Variants in PIKFYVE observed in about 807,000 individuals in gnomAD.
PIKFYVE encodes the protein 1-phosphatidylinositol 3-phosphate 5-kinase.
Under a neutral mutation model 257.9 loss-of-function variants are expected in PIKFYVE, and 122 were observed. The ratio of observed to expected loss-of-function variants is 0.47; its 90% confidence interval spans 0.41 to 0.55. The LOEUF is 0.55. PIKFYVE is among the 20% of genes least tolerant of loss of function. The pLI, the probability that PIKFYVE is intolerant of heterozygous loss-of-function variation, is 0.00. For missense variants in PIKFYVE, 2,160 were observed against 2,536.6 expected, an observed-to-expected ratio of 0.85 and a Z score of 3.19; for synonymous variants, 892 against 868.9, an observed-to-expected ratio of 1.03 and a Z score of -0.47.
At chr2:208,330,260 C>G (rs1320116154) in intron 22 of PIKFYVE, among the ~76,000 whole-genome samples, 3 of 152,172 alleles carry the variant, frequency 2.0e-5, no homozygotes, top group African/African-American at 7.2e-5. Context: ...TGACAAAGCA[C>G]TTTACTAGTC....
intron 23 of PIKFYVE, among the ~76,000 whole-genome samples, chr2:208,331,444 C>G (rs1352449746): frequency 6.6e-6 from 1 of 152,148 alleles, no homozygotes; most frequent in Non-Finnish European, 1.5e-5. Context: ...GTCGTGTGAT[C>G]TCTGCTCACT....
intron 31 of PIKFYVE, among the ~76,000 whole-genome samples, chr2:208,341,040 C>T (rs1384588002): frequency 6.6e-6 from 1 of 151,846 alleles, no homozygotes; most frequent in East Asian, 1.9e-4. Flanking sequence ...CAGAGTCTCC[C>T]TCTGTCACCC....
chr2:208,287,090 A>C (rs1195742584), intron 6 of PIKFYVE, among the ~76,000 whole-genome samples: 1 of 26,598 alleles, frequency 3.8e-5, no homozygotes, highest in East Asian at 1.2e-3. Flanking sequence ...AAATTTAATT[A>C]ATATAAAATT....
intron 23 of PIKFYVE, among the ~76,000 whole-genome samples, 199 bp from the exon 24 acceptor site, chr2:208,333,116 C>A (rs1013047328): frequency 6.6e-5 from 10 of 151,958 alleles, no homozygotes; most frequent in African/African-American, 2.4e-4. Flanking sequence ...TGCCTGTAGT[C>A]CCAGCTACTC....
chr2:208,335,831 C>T lies in PIKFYVE; in HGVS notation c.4295C>T (p.Ala1432Val). The change falls in exon 26 of 42, where the codon GCA becomes GTA. Residue 1432 changes from alanine to valine, a missense_variant. Coordinates refer to ENST00000264380, the MANE Select transcript of PIKFYVE (RefSeq NM_015040.4). The stretch of plus-strand genomic sequence containing the variant: ...TATGTTGCCATTGATGAAAGACTTG[C>T]ATCTTTGAAAACTGATACATTTAGT... ...QVYVAIDERL[A>V]SLKTDTFSKT... 1 of 1,612,874 alleles carries T rather than the reference C, an allele frequency of 6.2e-7. No individual in the cohort carries two copies. The highest frequency in any genetic ancestry group is 1.3e-5 in the African/African-American group (1 of 74,912).
Position 208,355,654 on chromosome 2 carries a change from A to G in PIKFYVE, c.*349A>G, listed in dbSNP as rs1310334365. The G allele has an allele frequency of 4.9e-6, 1 of 205,168 alleles. No homozygotes were observed. Among genetic ancestry groups the G allele is most frequent in the African/African-American group, 2.3e-5 (1 of 42,760 alleles). 12.7% of individuals were successfully genotyped at this position (205,168 alleles called of 1,614,324 possible). ...TTTTAAGAAGAAAACAGTGTCTCAT[A>G]AATTGACTATCCTGGCATCACATTT... On this transcript the variant is annotated 3_prime_UTR_variant, in exon 42 of 42. Coordinates refer to ENST00000264380, the MANE Select transcript of PIKFYVE (RefSeq NM_015040.4).
chr2:208,281,091 A>C (rs1481390494), intron 5 of PIKFYVE, among the ~76,000 whole-genome samples: 1 of 152,218 alleles, frequency 6.6e-6, no homozygotes. Context: ...GCCTCCCCTC[A>C]CAAATTTATT....
At chr2:208,339,828 A>G (rs1483130568) in intron 30 of PIKFYVE, among the ~76,000 whole-genome samples, 183 bp from the exon 31 acceptor site, 1 of 152,196 alleles carries the variant, frequency 6.6e-6, no homozygotes, top group Non-Finnish European at 1.5e-5. Context: ...CATGCTGTGT[A>G]TGCTTCACTG....
At chr2:208,273,866 A>G (rs1689748453) in intron 3 of PIKFYVE, 133 bp downstream of exon 3, 13 of 1,362,582 alleles carry the variant, frequency 9.5e-6, no homozygotes, top group Non-Finnish European at 1.1e-5. Context: ...TGAAATAGTC[A>G]GGTACTGTTT....
At chr2:208,328,406 A>G (rs960667131) in intron 21 of PIKFYVE, 126 bp downstream of exon 21, 5 of 1,113,330 alleles carry the variant, frequency 4.5e-6, no homozygotes, top group Non-Finnish European at 6.6e-6. Context: ...CTGGTCATAT[A>G]TGAATTGATA....
intron 7 of PIKFYVE, among the ~76,000 whole-genome samples, chr2:208,293,215 C>G (rs1474349021): frequency 6.6e-6 from 1 of 151,906 alleles, no homozygotes; most frequent in Non-Finnish European, 1.5e-5. Context: ...CAATTTTTCC[C>G]TCCCATCTGT....
intron 7 of PIKFYVE, among the ~76,000 whole-genome samples, chr2:208,290,466 G>A (rs1300962142): frequency 6.6e-6 from 1 of 152,158 alleles, no homozygotes; most frequent in Non-Finnish European, 1.5e-5. Flanking sequence ...TCATTTCTAA[G>A]TGATGAATAA....
intron 2 of PIKFYVE, among the ~76,000 whole-genome samples, chr2:208,272,103 C>T (rs1052794912): frequency 1.2e-4 from 18 of 151,834 alleles, no homozygotes; most frequent in African/African-American, 3.4e-4. Context: ...GGCATGGTGG[C>T]AGGCGCCTGT....
chr2:208,325,140 G>T, intron 19 of PIKFYVE, 103 bp downstream of exon 19: 5 of 1,576,168 alleles, frequency 3.2e-6, no homozygotes, highest in Non-Finnish European at 3.5e-6. Flanking sequence ...GGTAAGTGAG[G>T]ATAGGCAACT....
chr2:208,268,990 A>G (rs900192264), intron 1 of PIKFYVE, among the ~76,000 whole-genome samples: 3 of 152,290 alleles, frequency 2.0e-5, no homozygotes, highest in Middle Eastern at 6.8e-3. Context: ...CTTGGGGTAT[A>G]GTGACAGTTC....
intron 3 of PIKFYVE, among the ~76,000 whole-genome samples, chr2:208,274,842 C>A (rs767302028): frequency 6.6e-6 from 1 of 152,164 alleles, no homozygotes; most frequent in African/African-American, 2.4e-5. Context: ...GTTGAGGGAG[C>A]TGTTTTGACT....
rs1478639144 is a variant in PIKFYVE, at chr2:208,328,224, C to G, written c.3663C>G (p.Leu1221=). 6 of 1,613,914 alleles carry G rather than the reference C, an allele frequency of 3.7e-6. No homozygotes were observed. In the East Asian group the frequency reaches 1.3e-4, roughly 36 times the overall value. Residue 1221 remains leucine (L), a synonymous_variant, in exon 21 of 42, where the codon CTC becomes CTG. Coordinates refer to ENST00000264380, the MANE Select transcript of PIKFYVE (RefSeq NM_015040.4). ...NPINHQRLCV[L]FSSSSAQSSN... ...TTAATCACCAGAGACTTTGTGTGCT[C>G]TTCAGCAGCTCTTCTGCCCAGTCCA...
intron 34 of PIKFYVE, 136 bp downstream of exon 34, chr2:208,346,283 T>C (rs1699224633): frequency 5.2e-6 from 4 of 775,366 alleles, no homozygotes; most frequent in Non-Finnish European, 8.7e-6. Flanking sequence ...CAAATTTAGA[T>C]ATTTTTGTAT....
chr2:208,311,287 A>G (rs138686472), intron 12 of PIKFYVE, among the ~76,000 whole-genome samples: 9 of 152,296 alleles, frequency 5.9e-5, no homozygotes, highest in Admixed American at 3.9e-4. Context: ...TGTAACATCT[A>G]TCTTGCCCAC....
Sources: allele counts gnomAD v4.1 joint callset (sites outside exome capture counted in the v4.1 genomes callset), GRCh38; gene constraint gnomAD v4.1.1; transcripts MANE v1.5; gene names NCBI Gene and HGNC (gene_info 2026-07-23, HGNC 2026-07-21).